USH2A: variants seen among roughly 807,000 people sequenced by gnomAD.
USH2A encodes usherin, also known as Usher syndrome 2A (autosomal recessive, mild).
Under a neutral mutation model 538.9 loss-of-function variants are expected in USH2A, and 443 were observed. That is an observed-to-expected ratio of 0.82 (90% CI 0.76 to 0.89). The LOEUF (loss-of-function observed/expected upper bound fraction) is 0.89. Ranked by LOEUF, USH2A falls within the 40% of genes least tolerant of loss-of-function variation. The pLI, the probability that USH2A is intolerant of heterozygous loss-of-function variation, is 0.00. For synonymous variants in USH2A, 2,413 were observed against 2,273.5 expected (o/e 1.06, Z -1.75); for missense variants, 6,633 against 6,324.8 (o/e 1.05, Z -1.65).
chr1:216,165,184 T>A (rs938596448), intron 21 of USH2A, among the ~76,000 whole-genome samples: 1 of 152,326 alleles, frequency 6.6e-6, no homozygotes, highest in Middle Eastern at 3.4e-3. Context: ...AAGTGCTTTT[T>A]ATTGTACTGT....
At chr1:216,341,621 C>G (rs1262537454) in intron 4 of USH2A, among the ~76,000 whole-genome samples, 1 of 152,110 alleles carries the variant, frequency 6.6e-6, no homozygotes, top group East Asian at 1.9e-4. Flanking sequence ...GTAACCAAAA[C>G]AGCATGGTAC....
chr1:216,153,511 C>T (rs1182341326), intron 21 of USH2A, among the ~76,000 whole-genome samples: 1 of 152,156 alleles, frequency 6.6e-6, no homozygotes, highest in Non-Finnish European at 1.5e-5. Context: ...TCCTATGATC[C>T]AACAGAGATC....
intron 38 of USH2A, among the ~76,000 whole-genome samples, chr1:215,908,831 A>G (rs1665702525): frequency 6.6e-6 from 1 of 151,828 alleles, no homozygotes; most frequent in African/African-American, 2.4e-5. Flanking sequence ...TATCGGGTAA[A>G]CGTTGATGAA....
intron 21 of USH2A, among the ~76,000 whole-genome samples, chr1:216,098,201 G>T (rs1244917315): frequency 6.6e-6 from 1 of 152,194 alleles, no homozygotes; most frequent in Non-Finnish European, 1.5e-5. Context: ...ATACTGTGGA[G>T]CTCTTGCCCT....
At chr1:215,759,630 T>C in intron 57 of USH2A, 30 bp downstream of exon 57, 1 of 1,612,714 alleles carries the variant, frequency 6.2e-7, no homozygotes, top group African/African-American at 1.3e-5. Context: ...AATCCTGCTG[T>C]ATGATTGGTA....
At chr1:215,812,697 C>T (rs574231547) in intron 49 of USH2A, among the ~76,000 whole-genome samples, 1 of 148,916 alleles carries the variant, frequency 6.7e-6, no homozygotes, top group African/African-American at 2.5e-5. Context: ...CAGTATCAAA[C>T]TTAAGTAGTA....
intron 67 of USH2A, among the ~76,000 whole-genome samples, chr1:215,646,166 T>C (rs1656845997): frequency 6.6e-6 from 1 of 152,094 alleles, no homozygotes; most frequent in Non-Finnish European, 1.5e-5. Flanking sequence ...TGGGTTGGGG[T>C]ATAATAAGCT....
chr1:215,648,458 C>T, intron 66 of USH2A, 70 bp downstream of exon 66: 1 of 1,514,768 alleles, frequency 6.6e-7, no homozygotes, highest in South Asian at 1.1e-5. Flanking sequence ...GCAGAGTAGG[C>T]TATACCATGA....
At chr1:216,397,617 T>C (rs1234570221) in intron 3 of USH2A, among the ~76,000 whole-genome samples, 1 of 152,220 alleles carries the variant, frequency 6.6e-6, no homozygotes, top group East Asian at 1.9e-4. Context: ...GAATGCCCTT[T>C]CTTCCTCCTG....
At chr1:216,273,368 G>A (rs1391894509) in intron 11 of USH2A, among the ~76,000 whole-genome samples, 5 of 151,966 alleles carry the variant, frequency 3.3e-5, no homozygotes, top group Non-Finnish European at 7.4e-5. Flanking sequence ...ACACTTCCAC[G>A]GCAAGGCCCC....
chr1:216,363,059 C>T (rs1359390180), intron 4 of USH2A, among the ~76,000 whole-genome samples: 3 of 151,526 alleles, frequency 2.0e-5, no homozygotes, highest in South Asian at 2.1e-4. Flanking sequence ...TTTTAGTGTG[C>T]GAAAATATAA....
In USH2A at chr1:216,322,447, G is replaced by GA. The variant is rs565804777; in HGVS notation, c.1551-472dup. Among the ~76,000 whole-genome samples, 627 of 147,370 alleles carry GA rather than the reference G, an allele frequency of 4.3e-3. 4 individuals carry two copies. The highest frequency in any genetic ancestry group is 0.014 in the African/African-American group (573 of 40,304). On this transcript the variant is annotated intron_variant, in intron 8 of 71. Coordinates refer to ENST00000307340, the MANE Select transcript of USH2A (RefSeq NM_206933.4). ...GCAAAACCCCATCTCTACAAAAAGTGAAAAAAAAAATCAGCTGGGCATGGT... is the reference window on the plus strand; with the variant it reads ...GCAAAACCCCATCTCTACAAAAAGTGAAAAAAAAAAATCAGCTGGGCATGGT...
intron 3 of USH2A, among the ~76,000 whole-genome samples, chr1:216,405,842 T>C (rs767624107): frequency 2.6e-5 from 4 of 152,246 alleles, no homozygotes; most frequent in Non-Finnish European, 4.4e-5. Flanking sequence ...AATGCTATGC[T>C]GCAATAAGGT....
intron 32 of USH2A, among the ~76,000 whole-genome samples, chr1:216,043,113 G>T (rs571566343): frequency 6.6e-6 from 1 of 152,098 alleles, no homozygotes; most frequent in East Asian, 1.9e-4. Flanking sequence ...TAGAGTTCTG[G>T]CAAGGGAAAA....
intron 68 of USH2A, 26 bp downstream of exon 68, chr1:215,640,532 C>T: frequency 6.2e-7 from 1 of 1,613,058 alleles, no homozygotes. Flanking sequence ...GCCTTCCACA[C>T]TGAGAAACAG....
At chr1:215,715,545 T>C (rs993249639) in intron 61 of USH2A, among the ~76,000 whole-genome samples, 4 of 152,178 alleles carry the variant, frequency 2.6e-5, no homozygotes, top group African/African-American at 9.6e-5. Flanking sequence ...AAGCACTAGA[T>C]GGACAGGTCT....
At chr1:216,194,825 G>A (rs1387779972) in intron 19 of USH2A, among the ~76,000 whole-genome samples, 3 of 152,084 alleles carry the variant, frequency 2.0e-5, no homozygotes, top group Admixed American at 6.6e-5. Flanking sequence ...ATGGAATGCT[G>A]CCAGTTTTGA....
At chr1:216,175,195 T>C (rs377632637) in intron 21 of USH2A, 57 bp downstream of exon 21, 6 of 1,608,132 alleles carry the variant, frequency 3.7e-6, no homozygotes, top group South Asian at 3.3e-5. Flanking sequence ...TATGAAAATA[T>C]AGAAAACATT....
chr1:216,198,607 C>T (rs2034910305), intron 17 of USH2A, 23 bp from the exon 18 acceptor site: 1 of 1,604,844 alleles, frequency 6.2e-7, no homozygotes, highest in Non-Finnish European at 8.5e-7. Flanking sequence ...AATAGTGAAC[C>T]TACGTAACTC....
Sources: gnomAD v4.1 joint callset for allele counts (sites outside exome capture counted in the v4.1 genomes callset) on GRCh38, gnomAD v4.1.1 for gene constraint, MANE v1.5 for transcripts, NCBI Gene and HGNC (gene_info 2026-07-23, HGNC 2026-07-21) for gene names.